Variants in RASA1 observed in about 807,000 individuals in gnomAD.
The protein encoded by RASA1 is ras GTPase-activating protein 1.
In RASA1, 25 loss-of-function variants were observed where a neutral mutation model predicts 132.2. The observed-to-expected ratio is 0.19, with a 90% confidence interval of 0.14 to 0.26. The LOEUF (loss-of-function observed/expected upper bound fraction) is 0.26, where lower values mean the gene tolerates loss of function less well. Ranked by LOEUF, RASA1 falls within the 10% of genes least tolerant of loss-of-function variation. The pLI is 1.00. For missense variants in RASA1, 964 were observed against 1,299.2 expected (o/e 0.74, Z 3.97); for synonymous variants, 477 against 449.9 (o/e 1.06, Z -0.76).
At chr5:87,385,258 C>A in intron 21 of RASA1, 43 bp from the exon 22 acceptor site, 1 of 1,204,796 alleles carries the variant, frequency 8.3e-7, no homozygotes, top group Non-Finnish European at 1.2e-6. Flanking sequence ...GCTGGAAGTG[C>A]TGTTGGACTT....
intron 23 of RASA1, among the ~76,000 whole-genome samples, chr5:87,388,307 T>G (rs980787217): frequency 6.6e-6 from 1 of 152,204 alleles, no homozygotes; most frequent in Non-Finnish European, 1.5e-5. Flanking sequence ...AAGCAAATAC[T>G]GTCACCATTT....
intron 19 of RASA1, among the ~76,000 whole-genome samples, chr5:87,380,244 G>C (rs765483250): frequency 1.2e-4 from 19 of 152,132 alleles, no homozygotes; most frequent in Non-Finnish European, 2.6e-4. Flanking sequence ...TCTAAATCTT[G>C]CTCCCCAGAA....
At position 87,389,325 on chromosome 5, in the gene RASA1, C is replaced by CT; in HGVS notation, c.2926-67dup. On this transcript the variant is annotated intron_variant, in intron 23 of 24. Transcript: ENST00000274376. ...CAGCCTGGGCAACAAGAGCGAAACT[C>CT]TGTCTCAAAAAAAACAAAAAAAAAG... 2.5e-6 allele frequency: 4 copies of CT among 1,588,766 alleles called. No individual in the cohort carries two copies. The East Asian group carries it at 9.1e-5, about 36-fold the overall frequency.
intron 4 of RASA1, among the ~76,000 whole-genome samples, chr5:87,335,301 A>G (rs1034381434): frequency 6.6e-6 from 1 of 152,132 alleles, no homozygotes; most frequent in Non-Finnish European, 1.5e-5. Context: ...CCAATGACAA[A>G]ATTTGAGTTT....
intron 9 of RASA1, among the ~76,000 whole-genome samples, chr5:87,360,336 G>T (rs1421906648): frequency 2.0e-5 from 3 of 152,076 alleles, no homozygotes; most frequent in Non-Finnish European, 1.5e-5. Context: ...ATGTCGGCCA[G>T]GCTGGGCGAA....
At chr5:87,332,938 T>C (rs1319737688) in intron 3 of RASA1, among the ~76,000 whole-genome samples, 1 of 152,168 alleles carries the variant, frequency 6.6e-6, no homozygotes, top group African/African-American at 2.4e-5. Flanking sequence ...GTATTAACCC[T>C]GACTTTGCTG....
In RASA1 at chr5:87,372,099, GTGC is replaced by G; in HGVS notation, c.1699-16_1699-14del. On this transcript the variant is annotated splice_polypyrimidine_tract_variant and intron_variant, in intron 12 of 24. Transcript: ENST00000274376. ...ATAAACTAGTGTATATTTCTTTGAA[GTGC>G]TGTTTTTCTTTGCAGGATTGGATGA... is the stretch of plus-strand genomic sequence containing the variant. The G allele has an allele frequency of 6.2e-7, 1 of 1,610,588 alleles. No homozygotes were observed. Among genetic ancestry groups the G allele is most frequent in the Non-Finnish European group, 8.5e-7 (1 of 1,178,274 alleles).
chr5:87,378,956 CAAAA>C (rs1232733532), intron 18 of RASA1, among the ~76,000 whole-genome samples: 1 of 151,768 alleles, frequency 6.6e-6, no homozygotes, highest in East Asian at 1.9e-4. Context: ...TCAACTAAAA[CAAAA>C]AAATCTTTTT....
intron 11 of RASA1, 146 bp from the exon 12 acceptor site, chr5:87,369,667 T>C (rs1760785950): frequency 3.4e-6 from 2 of 585,258 alleles, no homozygotes; most frequent in African/African-American, 1.9e-5. Context: ...GACTTTTTTT[T>C]AGTAATGATC....
chr5:87,298,340 C>T (rs1755210187), intron 1 of RASA1, among the ~76,000 whole-genome samples: 2 of 149,116 alleles, frequency 1.3e-5, no homozygotes, highest in Non-Finnish European at 3.0e-5. Flanking sequence ...GCCAGGGAGG[C>T]GGAGCTTGCA....
chr5:87,364,414 T>G (rs1363552460), intron 11 of RASA1, among the ~76,000 whole-genome samples: 3 of 152,172 alleles, frequency 2.0e-5, no homozygotes, highest in African/African-American at 7.2e-5. Context: ...TAGTTTTACT[T>G]ATAGCAAGGC....
intron 1 of RASA1, among the ~76,000 whole-genome samples, chr5:87,287,286 A>G (rs966926528): frequency 2.7e-5 from 4 of 147,126 alleles, no homozygotes; most frequent in Non-Finnish European, 4.5e-5. Context: ...TATACACACC[A>G]TATATATACA....
In RASA1 at chr5:87,391,171, T is replaced by C; in HGVS notation, c.*288T>C. 4 of 520,576 alleles carry C rather than the reference T, an allele frequency of 7.7e-6. No individual in the cohort carries two copies. The highest frequency in any genetic ancestry group is 1.4e-5 in the Non-Finnish European group (4 of 289,330). The allele number at this position is 520,576 out of a possible 1,614,324, so 32.2% of individuals were successfully genotyped here. On this transcript the variant is annotated 3_prime_UTR_variant, in exon 25 of 25. Transcript: ENST00000274376. Reference sequence around the variant, plus strand: ...TTCACAAAACGAAATGCTATGACTGTATCTTGATATCTCGAACTTTCAAAA... The same window carrying C: ...TTCACAAAACGAAATGCTATGACTGCATCTTGATATCTCGAACTTTCAAAA...
intron 1 of RASA1, among the ~76,000 whole-genome samples, chr5:87,295,973 C>T (rs1366254357): frequency 2.6e-5 from 4 of 152,062 alleles, no homozygotes; most frequent in African/African-American, 9.7e-5. Context: ...TGCGCCACCA[C>T]GCCCAGCTAA....
chr5:87,279,189 G>A (rs768158659), intron 1 of RASA1, among the ~76,000 whole-genome samples: 2 of 152,206 alleles, frequency 1.3e-5, no homozygotes, highest in Non-Finnish European at 2.9e-5. Flanking sequence ...GCTGCAGTGA[G>A]TTATGATTGT....
intron 8 of RASA1, among the ~76,000 whole-genome samples, chr5:87,350,182 GTTC>G (rs1759157466): frequency 6.6e-6 from 1 of 151,756 alleles, no homozygotes; most frequent in Admixed American, 6.6e-5. Flanking sequence ...ACAAAAACAA[GTTC>G]TTCTAGTTGC....
In RASA1 at chr5:87,281,243, C is replaced by CT. The variant is rs1162398873; in HGVS notation, c.539+12269dup. On this transcript the variant is annotated intron_variant, in intron 1 of 24. Transcript: ENST00000274376. ...GAATTTCTCTGCATCCTTGCCAACA[C>CT]TTTTTTTTTTTTTTTTGAGACGGAG... Among the ~76,000 whole-genome samples, 706 of 140,272 alleles carry CT rather than the reference C, an allele frequency of 5.0e-3. 6 individuals carry two copies. Among genetic ancestry groups the CT allele is most frequent in the Middle Eastern group, 0.011 (3 of 274 alleles). 92.0% of individuals were successfully genotyped at this position (140,272 alleles called of 152,430 possible).
intron 1 of RASA1, among the ~76,000 whole-genome samples, chr5:87,304,253 A>G (rs1394606230): frequency 3.3e-5 from 5 of 152,158 alleles, no homozygotes; most frequent in African/African-American, 7.2e-5. Context: ...TACATTTAAG[A>G]TACATCTCTT....
chr5:87,333,359 T>C, intron 4 of RASA1, 22 bp downstream of exon 4: 1 of 1,611,380 alleles, frequency 6.2e-7, no homozygotes, highest in South Asian at 1.1e-5. Context: ...TCTATTCTCA[T>C]GTATAGGCAT....
Sources: gnomAD v4.1 joint callset for allele counts (sites outside exome capture counted in the v4.1 genomes callset) on GRCh38, gnomAD v4.1.1 for gene constraint, MANE v1.5 for transcripts, NCBI Gene and HGNC (gene_info 2026-07-23, HGNC 2026-07-21) for gene names.